NKIRAS2: variants seen among roughly 807,000 people sequenced by gnomAD.
The protein encoded by NKIRAS2 is NFKB inhibitor interacting Ras like 2.
In NKIRAS2, 15 loss-of-function variants were observed where a neutral mutation model predicts 20.7. The ratio of observed to expected loss-of-function variants is 0.73; its 90% CI spans 0.49 to 1.12. The LOEUF is 1.12. NKIRAS2 is among the 50% of genes most tolerant of loss of function. The pLI is 0.00. For missense variants in NKIRAS2, 196 were observed against 249.6 expected, an observed-to-expected ratio of 0.79 and a Z score of 1.45; for synonymous variants, 116 against 101.4, an observed-to-expected ratio of 1.14 and a Z score of -0.87.
rs782537531 is a variant in NKIRAS2 at position 42,022,541 on chromosome 17, T to G, written c.237T>G (p.Thr79=). 4 of 1,614,044 alleles carry G rather than the reference T, an allele frequency of 2.5e-6. No homozygotes were observed. The African/African-American group carries it at 5.3e-5, about 22-fold the overall frequency. ...AELPRHCFSC[T]DGYVLVYSTD... ...TGCCCCGACACTGCTTCTCTTGCAC[T>G]GATGGCTACGTCCTGGTCTATAGCA... The change falls in exon 3 of 4, where the codon ACT becomes ACG. Residue 79 remains threonine, a synonymous_variant. Coordinates refer to ENST00000393885, the MANE Select transcript of NKIRAS2 (RefSeq NM_017595.6).
At position 42,024,235 on chromosome 17, in the gene NKIRAS2, C is replaced by G. The variant is rs1281723152; in HGVS notation, c.*342C>G. 3.1e-6 allele frequency: 1 copy of G among 321,680 alleles called. No individual in the cohort carries two copies. Among genetic ancestry groups the G allele is most frequent in the Non-Finnish European group, 5.9e-6 (1 of 168,460 alleles). 19.9% of individuals were successfully genotyped at this position (321,680 alleles called of 1,614,324 possible). ...CAGTGTCCCTTCTTGGGTCTGAGTT[C>G]CTATTATAGGTAGGGGCCCCACCCT... On this transcript the variant is annotated 3_prime_UTR_variant, in exon 4 of 4. Coordinates refer to ENST00000393885, the MANE Select transcript of NKIRAS2 (RefSeq NM_017595.6).
upstream of NKIRAS2, among the ~76,000 whole-genome samples, chr17:42,019,280 GCAACAA>G (rs370782252): frequency 2.0e-5 from 3 of 151,762 alleles, no homozygotes; most frequent in Middle Eastern, 3.2e-3. Flanking sequence ...CTCAAAAACG[GCAACAA>G]CAACAACAAC....
upstream of NKIRAS2, chr17:42,017,789 T>G (rs2052348106): frequency 9.3e-6 from 3 of 322,662 alleles, no homozygotes; most frequent in Non-Finnish European, 1.8e-5. Flanking sequence ...CTGGGTTGCG[T>G]GGGGACCAGG....
In NKIRAS2 at chr17:42,025,005, T is replaced by C. The variant is rs530273662; in HGVS notation, c.*1112T>C. On this transcript the variant is annotated 3_prime_UTR_variant, in exon 4 of 4. Coordinates refer to ENST00000393885, the MANE Select transcript of NKIRAS2 (RefSeq NM_017595.6). ...CTAGATCCTTTCCAGTTCTCTTGAT[T>C]TCGTAAAGCCAATGGCTTCTCCCTC... is the stretch of plus-strand genomic sequence containing the variant. 3.9e-5 allele frequency: 6 copies of C among 152,632 alleles called. No homozygotes were observed. Among genetic ancestry groups the C allele is most frequent in the African/African-American group, 1.4e-4 (6 of 41,530 alleles). 9.5% of individuals were successfully genotyped at this position (152,632 alleles called of 1,614,324 possible).
chr17:42,017,669 G>A (rs1375325130), upstream of NKIRAS2: 12 of 582,918 alleles, frequency 2.1e-5, no homozygotes, highest in Admixed American at 3.1e-5. Context: ...GGAAGGCGGG[G>A]TGTACCGGTG....
intron 1 of NKIRAS2, 69 bp from the exon 2 acceptor site, chr17:42,021,495 T>G: frequency 7.6e-7 from 1 of 1,314,264 alleles, no homozygotes; most frequent in Non-Finnish European, 1.1e-6. Flanking sequence ...AGAAAACATC[T>G]GCTAGTAACT....
chr17:42,021,891 T>C, intron 2 of NKIRAS2: 1 of 724,780 alleles, frequency 1.4e-6, no homozygotes, highest in Non-Finnish European at 2.5e-6. Context: ...GTCACACTTG[T>C]GCTTAGCATG....
In NKIRAS2 at chr17:42,022,412, C is replaced by T. The variant is rs185243121; in HGVS notation, c.108C>T (p.Ile36=). The change falls in exon 3 of 4, where the codon ATC becomes ATT. Residue 36 remains isoleucine (I), a synonymous_variant. Transcript: ENST00000393885. The stretch of plus-strand genomic sequence containing the variant: ...ATTTTATACCAGGTTCGGAGATGAT[C>T]GAGACGCAGGAGGACATCTACGTGG... The part of the protein sequence containing the change: ...YGNHVVGSEM[I]ETQEDIYVGS... 30 of 1,585,160 alleles carry T rather than the reference C, an allele frequency of 1.9e-5. No individual in the cohort carries two copies. The highest frequency in any genetic ancestry group is 9.0e-5 in the East Asian group (4 of 44,282).
chr17:42,022,055 CA>C (rs2052465405), intron 2 of NKIRAS2: 2 of 438,172 alleles, frequency 4.6e-6, no homozygotes, highest in Non-Finnish European at 4.4e-6. Flanking sequence ...ACTAAAAATA[CA>C]AAATTAGCCG....
Position 42,024,319 on chromosome 17 carries a change from A to C in NKIRAS2, c.*426A>C, listed in dbSNP as rs1442713355. 1.3e-5 allele frequency: 3 copies of C among 230,054 alleles called. No homozygotes were observed. Among genetic ancestry groups the C allele is most frequent in the Admixed American group, 5.2e-5 (1 of 19,266 alleles). 14.3% of individuals were successfully genotyped at this position (230,054 alleles called of 1,614,324 possible). ...TGGCACCAGCCTGGACTCCAGAAAA[A>C]GGGTGTCCAGGTATTGTGTGTATGC... On this transcript the variant is annotated 3_prime_UTR_variant, in exon 4 of 4. Transcript: ENST00000393885.
upstream of NKIRAS2, chr17:42,018,333 A>G (rs1434683684): frequency 1.3e-5 from 2 of 152,228 alleles, no homozygotes; most frequent in Admixed American, 1.3e-4. Context: ...GCTGAATTAA[A>G]TTGGAGCTTT....
Position 42,021,677 on chromosome 17 carries a change from T to C in NKIRAS2, c.94+6T>C. 1.2e-6 allele frequency: 2 copies of C among 1,612,656 alleles called. No homozygotes were observed. The highest frequency in any genetic ancestry group is 1.7e-4 in the Middle Eastern group (1 of 6,056). The stretch of plus-strand genomic sequence containing the variant: ...GTATGGGAACCATGTAGTGGGTGAG[T>C]GTTGTTGGAGGGGGAGGAACAGTGG... On this transcript the variant is annotated splice_donor_region_variant and intron_variant, in intron 2 of 3. Transcript: ENST00000393885.
In NKIRAS2 at chr17:42,022,625, C is replaced by T. The variant is rs782814820; in HGVS notation, c.321C>T (p.Ser107=). 6.2e-7 allele frequency: 1 copy of T among 1,612,816 alleles called. No individual in the cohort carries two copies. The highest frequency in any genetic ancestry group is 1.3e-5 in the African/African-American group (1 of 74,996). ...VELLKKEIDK[S]KDKKEVTIVV... is the part of the protein sequence containing the mutation. The stretch of plus-strand genomic sequence containing the variant: ...TGCTCAAGAAGGAGATTGACAAATC[C>T]AAGGACAAGAAGGAGGTGTGTGGCA... The change falls in exon 3 of 4, where the codon TCC becomes TCT. Residue 107 remains serine (S), a synonymous_variant. Coordinates refer to ENST00000393885, the MANE Select transcript of NKIRAS2 (RefSeq NM_017595.6).
chr17:42,022,979 T>C, intron 3 of NKIRAS2: 1 of 292,624 alleles, frequency 3.4e-6, no homozygotes, highest in Non-Finnish European at 6.8e-6. Flanking sequence ...TGCTTTTAGC[T>C]ATGAAAGCCC....
chr17:42,023,991 C>A lies in NKIRAS2; in HGVS notation c.*98C>A. 1 of 1,513,902 alleles carries A rather than the reference C, an allele frequency of 6.6e-7. No individual in the cohort carries two copies. The highest frequency in any genetic ancestry group is 1.3e-5 in the South Asian group (1 of 76,414). 93.8% of individuals were successfully genotyped at this position (1,513,902 alleles called of 1,614,324 possible). ...AAAGTAGAGGACAAGCTGTCTTTCCCAGTCAGCCAGGGAGCTCCCCGCCAG... is the reference window on the plus strand; with the variant it reads ...AAAGTAGAGGACAAGCTGTCTTTCCAAGTCAGCCAGGGAGCTCCCCGCCAG... On this transcript the variant is annotated 3_prime_UTR_variant, in exon 4 of 4. Transcript: ENST00000393885.
At chr17:42,019,213 C>G (rs1354391286), upstream of NKIRAS2, among the ~76,000 whole-genome samples, 3 of 152,098 alleles carry the variant, frequency 2.0e-5, no homozygotes, top group Non-Finnish European at 4.4e-5. Flanking sequence ...TTAGAGGCTG[C>G]AGTGAGCTAT....
At chr17:42,017,669 G>T, upstream of NKIRAS2, 2 of 583,034 alleles carry the variant, frequency 3.4e-6, no homozygotes, top group South Asian at 2.0e-5. Flanking sequence ...GGAAGGCGGG[G>T]TGTACCGGTG....
chr17:42,019,666 C>T (rs2052393732), upstream of NKIRAS2, among the ~76,000 whole-genome samples: 1 of 152,178 alleles, frequency 6.6e-6, no homozygotes, highest in Non-Finnish European at 1.5e-5. Context: ...GTTAAATGCC[C>T]TTTTGCTGTG....
rs200272908 is a variant in NKIRAS2 at position 42,022,483 on chromosome 17, A to G, written c.179A>G (p.Tyr60Cys). 19 of 1,613,754 alleles carry G rather than the reference A, an allele frequency of 1.2e-5. No homozygotes were observed. Among genetic ancestry groups the G allele is most frequent in the Admixed American group, 5.0e-5 (3 of 59,988 alleles). Reference sequence around the variant, plus strand: ...GGGGTGCGAGAGCAGGTGCGTTTCTATGACACCCGGGGGCTCCGAGATGGG... The same window carrying G: ...GGGGTGCGAGAGCAGGTGCGTTTCTGTGACACCCGGGGGCTCCGAGATGGG... ...DRGVREQVRFYDTRGLRDGAE... is the reference protein window; with the variant it reads ...DRGVREQVRFCDTRGLRDGAE... Residue 60 changes from tyrosine (Y) to cysteine (C), a missense_variant, in exon 3 of 4, where the codon TAT becomes TGT. Coordinates refer to ENST00000393885, the MANE Select transcript of NKIRAS2 (RefSeq NM_017595.6).
Sources: gnomAD v4.1 joint callset for allele counts (sites outside exome capture counted in the v4.1 genomes callset) on GRCh38, gnomAD v4.1.1 for gene constraint, MANE v1.5 for transcripts, NCBI Gene and HGNC (gene_info 2026-07-23, HGNC 2026-07-21) for gene names.